Variants in SORCS3 observed in about 807,000 individuals in gnomAD.
SORCS3 encodes the protein VPS10 domain-containing receptor SorCS3.
A neutral mutation model predicts 146.3 loss-of-function variants in SORCS3; 57 were observed. The ratio of observed to expected loss-of-function variants is 0.39; its 90% CI spans 0.31 to 0.49. The LOEUF (loss-of-function observed/expected upper bound fraction) is 0.49. Ranked by LOEUF, SORCS3 falls within the 20% of genes least tolerant of loss-of-function variation. The probability of loss-of-function intolerance (pLI) is 0.92; values close to 1 mark genes in which losing one functional copy is unlikely to be tolerated. For missense variants in SORCS3, 1,341 were observed against 1,575.5 expected (o/e 0.85, Z 2.52); for synonymous variants, 653 against 618.5 (o/e 1.06, Z -0.83).
chr10:105,196,760 T>TA (rs2056546439), intron 14 of SORCS3, among the ~76,000 whole-genome samples: 2 of 152,224 alleles, frequency 1.3e-5, no homozygotes, highest in South Asian at 4.1e-4. Flanking sequence ...CCTGAGTTCT[T>TA]ACACTGCAGT....
At chr10:104,969,543 T>G (rs2054846883) in intron 3 of SORCS3, among the ~76,000 whole-genome samples, 1 of 152,142 alleles carries the variant, frequency 6.6e-6, no homozygotes, top group South Asian at 2.1e-4. Context: ...TATGTCAGTA[T>G]CTATCTCCCT....
At chr10:104,854,298 G>C (rs1224034001) in intron 2 of SORCS3, among the ~76,000 whole-genome samples, 1 of 152,090 alleles carries the variant, frequency 6.6e-6, no homozygotes, top group Non-Finnish European at 1.5e-5. Context: ...AATGCTCTTA[G>C]TCATTCACAA....
At chr10:104,984,774 C>A (rs1314763495) in intron 4 of SORCS3, among the ~76,000 whole-genome samples, 10 of 152,036 alleles carry the variant, frequency 6.6e-5, no homozygotes, top group Admixed American at 6.6e-4. Flanking sequence ...TATAGCAAGT[C>A]ATGTGAACTT....
At chr10:104,918,317 A>C (rs1464870) in intron 3 of SORCS3, among the ~76,000 whole-genome samples, 49,668 of 151,826 alleles carry the variant, frequency 0.33, 9,638 homozygotes, top group African/African-American at 0.55. Context: ...AAATTGAAGC[A>C]AAAAAAACTC....
At chr10:105,160,994 A>G (rs1051588391) in intron 11 of SORCS3, among the ~76,000 whole-genome samples, 2 of 152,354 alleles carry the variant, frequency 1.3e-5, no homozygotes, top group Admixed American at 6.5e-5. Flanking sequence ...ACAGAGCATC[A>G]TAAGGTAGTA....
intron 4 of SORCS3, among the ~76,000 whole-genome samples, chr10:105,029,503 A>G (rs2055250652): frequency 6.6e-6 from 1 of 152,124 alleles, no homozygotes; most frequent in African/African-American, 2.4e-5. Context: ...TCCAGCTGTT[A>G]CTCTGCATTT....
At chr10:104,931,878 C>G (rs959057258) in intron 3 of SORCS3, among the ~76,000 whole-genome samples, 3 of 152,190 alleles carry the variant, frequency 2.0e-5, no homozygotes, top group African/African-American at 7.2e-5. Flanking sequence ...ATGCAATTAT[C>G]CAAAGTGGTC....
intron 14 of SORCS3, among the ~76,000 whole-genome samples, chr10:105,194,051 C>CT (rs1198171399): frequency 6.6e-6 from 1 of 151,936 alleles, no homozygotes; most frequent in Admixed American, 6.6e-5. Context: ...TCCTGAAAAT[C>CT]TATATAGTGA....
intron 3 of SORCS3, among the ~76,000 whole-genome samples, chr10:104,963,851 G>A (rs1454468188): frequency 6.6e-6 from 1 of 152,136 alleles, no homozygotes; most frequent in Non-Finnish European, 1.5e-5. Flanking sequence ...GTTCCAATTT[G>A]TAATTATTAG....
intron 3 of SORCS3, among the ~76,000 whole-genome samples, chr10:104,938,543 C>A (rs994262241): frequency 2.8e-5 from 4 of 143,526 alleles, no homozygotes; most frequent in Admixed American, 2.7e-4. Flanking sequence ...CCCATAGTAT[C>A]CTCTTAAAAT....
intron 4 of SORCS3, among the ~76,000 whole-genome samples, chr10:105,039,326 G>T (rs1367091080): frequency 1.3e-5 from 2 of 152,028 alleles, no homozygotes; most frequent in Non-Finnish European, 2.9e-5. Flanking sequence ...CCTCCAGGAG[G>T]ATAATTCAAT....
At chr10:105,193,239 A>G (rs1250552095) in intron 14 of SORCS3, among the ~76,000 whole-genome samples, 1 of 152,134 alleles carries the variant, frequency 6.6e-6, no homozygotes, top group African/African-American at 2.4e-5. Context: ...GGGACAGAGC[A>G]TTTGCTGCAA....
At chr10:105,206,107 G>A (rs1002682248) in intron 16 of SORCS3, among the ~76,000 whole-genome samples, 2 of 152,106 alleles carry the variant, frequency 1.3e-5, no homozygotes, top group African/African-American at 4.8e-5. Context: ...TCTGCCTATG[G>A]AGCACAAGCA....
At chr10:104,894,884 G>A (rs375272474) in intron 2 of SORCS3, among the ~76,000 whole-genome samples, 15 of 152,316 alleles carry the variant, frequency 9.8e-5, no homozygotes, top group South Asian at 4.1e-4. Flanking sequence ...AAATGGCAAC[G>A]GTTCATTGCA....
At chr10:105,235,688 T>A (rs1242077584) in intron 20 of SORCS3, among the ~76,000 whole-genome samples, 1 of 152,014 alleles carries the variant, frequency 6.6e-6, no homozygotes, top group Non-Finnish European at 1.5e-5. Context: ...AAGTGGGAGA[T>A]AACTTATCCC....
intron 21 of SORCS3, 30 bp downstream of exon 21, chr10:105,245,695 C>A: frequency 6.2e-7 from 1 of 1,610,032 alleles, no homozygotes; most frequent in South Asian, 1.1e-5. Context: ...CTGTGATGCT[C>A]CTTCCCGCTC....
At chr10:105,061,449 C>T (rs2055485833) in intron 5 of SORCS3, among the ~76,000 whole-genome samples, 1 of 151,810 alleles carries the variant, frequency 6.6e-6, no homozygotes, top group African/African-American at 2.4e-5. Context: ...CGCCTGCCAC[C>T]ACACCTGGCT....
intron 19 of SORCS3, among the ~76,000 whole-genome samples, chr10:105,220,383 G>A (rs1287070736): frequency 2.0e-5 from 3 of 152,164 alleles, no homozygotes; most frequent in Admixed American, 2.0e-4. Context: ...GGAGAAGGGG[G>A]TCTCCTTTTA....
At chr10:104,652,158 G>A (rs1031748419) in intron 1 of SORCS3, among the ~76,000 whole-genome samples, 3 of 151,868 alleles carry the variant, frequency 2.0e-5, no homozygotes, top group African/African-American at 7.3e-5. Flanking sequence ...AATGGAAAAT[G>A]CTTCTTTCAA....
Sources: allele counts gnomAD v4.1 joint callset (sites outside exome capture counted in the v4.1 genomes callset), GRCh38; gene constraint gnomAD v4.1.1; transcripts MANE v1.5; gene names NCBI Gene and HGNC (gene_info 2026-07-23, HGNC 2026-07-21).